CSMD1: variants seen among roughly 807,000 people sequenced by gnomAD.
CSMD1 encodes CUB and sushi domain-containing protein 1.
CSMD1 carries 213 observed loss-of-function variants against 417.5 expected under a neutral mutation model. The observed-to-expected ratio is 0.51, with a 90% CI of 0.46 to 0.57. The LOEUF is 0.57. CSMD1 is among the 20% of genes least tolerant of loss of function. CSMD1 has a pLI of 0.00. For missense variants in CSMD1, 6,923 were observed against 4,529.7 expected, an observed-to-expected ratio of 1.53 and a Z score of -15.17; for synonymous variants, 2,862 against 1,736.8, an observed-to-expected ratio of 1.65 and a Z score of -16.11.
chr8:4,168,382 G>T (rs1346828986), intron 3 of CSMD1, among the ~76,000 whole-genome samples: 1 of 151,870 alleles, frequency 6.6e-6, no homozygotes, highest in African/African-American at 2.4e-5. Context: ...GTGACAGAGT[G>T]AGACCCTTAC....
At chr8:3,430,894 T>G (rs1012481816) in intron 12 of CSMD1, among the ~76,000 whole-genome samples, 1 of 152,166 alleles carries the variant, frequency 6.6e-6, no homozygotes, top group African/African-American at 2.4e-5. Context: ...GATAAAATAA[T>G]TGAAGAAAAT....
intron 12 of CSMD1, among the ~76,000 whole-genome samples, chr8:3,462,524 C>G (rs960471564): frequency 2.6e-5 from 4 of 152,128 alleles, no homozygotes; most frequent in East Asian, 3.9e-4. Flanking sequence ...GCTGCATGCC[C>G]TTTATGAGAA....
At chr8:3,806,907 G>T (rs1325040071) in intron 5 of CSMD1, among the ~76,000 whole-genome samples, 1 of 152,102 alleles carries the variant, frequency 6.6e-6, no homozygotes, top group Non-Finnish European at 1.5e-5. Flanking sequence ...ATTTAATCCA[G>T]TAGTAGTGAG....
chr8:4,973,593 C>T (rs1449860838), intron 1 of CSMD1, among the ~76,000 whole-genome samples: 1 of 152,130 alleles, frequency 6.6e-6, no homozygotes, highest in Admixed American at 6.6e-5. Context: ...ATAAAATTGA[C>T]TTAAAGTGTT....
chr8:4,155,619 T>C (rs1159787096), intron 3 of CSMD1, among the ~76,000 whole-genome samples: 1 of 152,194 alleles, frequency 6.6e-6, no homozygotes, highest in Non-Finnish European at 1.5e-5. Flanking sequence ...GGTTTGATTT[T>C]TTATCACTCT....
intron 3 of CSMD1, among the ~76,000 whole-genome samples, chr8:4,135,029 G>A (rs1169889156): frequency 6.6e-6 from 1 of 152,114 alleles, no homozygotes; most frequent in Non-Finnish European, 1.5e-5. Context: ...TATTTTGTGA[G>A]AGGATAGACC....
intron 37 of CSMD1, among the ~76,000 whole-genome samples, chr8:3,170,678 T>C (rs967471113): frequency 6.6e-6 from 1 of 152,220 alleles, no homozygotes. Context: ...CCATGGATCA[T>C]GCACAACTGT....
At chr8:3,055,595 T>A (rs889027841) in intron 49 of CSMD1, among the ~76,000 whole-genome samples, 2 of 152,226 alleles carry the variant, frequency 1.3e-5, no homozygotes, top group African/African-American at 2.4e-5. Flanking sequence ...AGATCACTAT[T>A]TTTTTAAAAA....
chr8:4,209,451 G>A (rs903803588), intron 3 of CSMD1, among the ~76,000 whole-genome samples: 1 of 152,140 alleles, frequency 6.6e-6, no homozygotes, highest in Non-Finnish European at 1.5e-5. Context: ...GCCAAGTGAG[G>A]ACATTGTCAC....
intron 3 of CSMD1, among the ~76,000 whole-genome samples, chr8:4,176,935 C>T (rs559204021): frequency 1.5e-3 from 224 of 149,492 alleles, no homozygotes; most frequent in Non-Finnish European, 2.7e-3. Flanking sequence ...TAAAGCAAGT[C>T]CTCAGTGACC....
At chr8:3,311,098 C>CTAAG (rs1222630724) in intron 23 of CSMD1, among the ~76,000 whole-genome samples, 1 of 152,010 alleles carries the variant, frequency 6.6e-6, no homozygotes, top group African/African-American at 2.4e-5. Context: ...ATATACCTAA[C>CTAAG]TAACTTTCCA....
chr8:3,324,546 C>G (rs77518818), intron 23 of CSMD1, among the ~76,000 whole-genome samples: 2,938 of 142,968 alleles, frequency 0.021, 1 homozygote, highest in East Asian at 0.1. Context: ...CCCCACCATT[C>G]GTCACTGTTA....
At chr8:3,241,360 T>A (rs1260006838) in intron 26 of CSMD1, among the ~76,000 whole-genome samples, 1 of 151,210 alleles carries the variant, frequency 6.6e-6, no homozygotes, top group Non-Finnish European at 1.5e-5. Flanking sequence ...TAATGTGGAG[T>A]GGGTAGCCTC....
At chr8:3,313,666 TTGG>T (rs1336609991) in intron 23 of CSMD1, among the ~76,000 whole-genome samples, 1 of 152,176 alleles carries the variant, frequency 6.6e-6, no homozygotes, top group East Asian at 1.9e-4. Context: ...TTTCACACTG[TTGG>T]TGGGACTGTA....
chr8:3,065,446 TACAG>T, intron 49 of CSMD1, among the ~76,000 whole-genome samples: 1 of 152,040 alleles, frequency 6.6e-6, no homozygotes, highest in East Asian at 1.9e-4. Flanking sequence ...GATAGATACA[TACAG>T]AGAGATATAG....
At chr8:4,993,203 A>C (rs548386152) in intron 1 of CSMD1, among the ~76,000 whole-genome samples, 1 of 152,090 alleles carries the variant, frequency 6.6e-6, no homozygotes, top group African/African-American at 2.4e-5. Context: ...GTGACCATTG[A>C]AAAAAAATCG....
chr8:4,306,418 A>G (rs1798250729), intron 3 of CSMD1, among the ~76,000 whole-genome samples: 1 of 152,158 alleles, frequency 6.6e-6, no homozygotes, highest in Non-Finnish European at 1.5e-5. Context: ...AAAATACAGT[A>G]TCATCGTGAA....
chr8:3,145,421 C>CA (rs1263249594), intron 40 of CSMD1, among the ~76,000 whole-genome samples: 1 of 152,056 alleles, frequency 6.6e-6, no homozygotes, highest in Non-Finnish European at 1.5e-5. Flanking sequence ...TAACAACTTG[C>CA]AAGGGGATCA....
intron 26 of CSMD1, among the ~76,000 whole-genome samples, chr8:3,243,843 T>G (rs1799707397): frequency 6.6e-6 from 1 of 151,918 alleles, no homozygotes; most frequent in East Asian, 1.9e-4. Context: ...ATGCAAAGTT[T>G]TGTTATTTTC....
Sources: gnomAD v4.1 joint callset for allele counts (sites outside exome capture counted in the v4.1 genomes callset) on GRCh38, gnomAD v4.1.1 for gene constraint, MANE v1.5 for transcripts, NCBI Gene and HGNC (gene_info 2026-07-23, HGNC 2026-07-21) for gene names.